The following TARM1 variants were observed in gnomAD, a reference collection of about 807,000 sequenced individuals.
TARM1 encodes the protein T cell-interacting, activating receptor on myeloid cells 1, also known as T-cell-interacting, activating receptor on myeloid cells protein 1.
A neutral mutation model predicts 30.4 loss-of-function variants in TARM1; 24 were observed. The ratio of observed to expected loss-of-function variants is 0.79; its 90% CI spans 0.57 to 1.11. The LOEUF is 1.11. Ranked by LOEUF, TARM1 falls within the 50% of genes least tolerant of loss-of-function variation. TARM1 has a pLI of 0.00. For synonymous variants in TARM1, 129 were observed against 138.9 expected (o/e 0.93, Z 0.50); for missense variants, 323 against 332.8 (o/e 0.97, Z 0.23).
intron 3 of TARM1, 76 bp downstream of exon 3, chr19:54,074,748 T>C: frequency 6.9e-7 from 1 of 1,459,616 alleles, no homozygotes; most frequent in Non-Finnish European, 9.2e-7. Context: ...GTGGGACCCC[T>C]TTTCTCCCTC....
At chr19:54,075,577 G>A (rs1208950234) in intron 2 of TARM1, among the ~76,000 whole-genome samples, 5 of 151,360 alleles carry the variant, frequency 3.3e-5, no homozygotes, top group East Asian at 2.0e-4. Flanking sequence ...GGCAGATCAC[G>A]AGGTCATGAG....
intron 4 of TARM1, among the ~76,000 whole-genome samples, chr19:54,073,491 T>C (rs1457503519): frequency 2.6e-5 from 4 of 151,242 alleles, no homozygotes; most frequent in African/African-American, 9.7e-5. Flanking sequence ...TTTTTGTTTT[T>C]GTTTTTTGTT....
intron 1 of TARM1, 64 bp from the exon 2 acceptor site, chr19:54,075,982 C>A (rs1374890629): frequency 1.9e-6 from 3 of 1,538,490 alleles, no homozygotes; most frequent in African/African-American, 1.4e-5. Context: ...CCTGCCCTGA[C>A]CCCTGGAGAT....
intron 1 of TARM1, chr19:54,076,285 C>A: frequency 7.4e-7 from 1 of 1,344,610 alleles, no homozygotes; most frequent in Non-Finnish European, 1.0e-6. Flanking sequence ...TTCATTCTTT[C>A]TTTCATTCAT....
At chr19:54,072,888 G>A (rs1440489859) in intron 4 of TARM1, among the ~76,000 whole-genome samples, 1 of 152,018 alleles carries the variant, frequency 6.6e-6, no homozygotes, top group African/African-American at 2.4e-5. Context: ...TGAGGCAGGA[G>A]AATTGCTTAA....
At chr19:54,075,860 G>GGT in intron 2 of TARM1, 23 bp downstream of exon 2, 1 of 1,550,542 alleles carries the variant, frequency 6.4e-7, no homozygotes. Flanking sequence ...GGCCAAGGAG[G>GGT]GTGTAGTTGA....
intron 4 of TARM1, among the ~76,000 whole-genome samples, chr19:54,073,483 T>G (rs1205245037): frequency 6.6e-6 from 1 of 151,580 alleles, no homozygotes; most frequent in African/African-American, 2.4e-5. Flanking sequence ...TTTTGTTGTT[T>G]TTGTTTTTGT....
intron 3 of TARM1, among the ~76,000 whole-genome samples, chr19:54,074,498 C>T (rs2071895264): frequency 6.6e-6 from 1 of 152,278 alleles, no homozygotes; most frequent in Admixed American, 6.5e-5. Context: ...GCCTGCCCAA[C>T]ATGGCGAAAC....
At chr19:54,078,599 G>A (rs587610552) in intron 1 of TARM1, among the ~76,000 whole-genome samples, 3 of 151,534 alleles carry the variant, frequency 2.0e-5, no homozygotes, top group Non-Finnish European at 4.4e-5. Context: ...GGCTGTTCTC[G>A]AACTCCTTAC....
chr19:54,074,046 C>T lies in TARM1; in HGVS notation c.532G>A (p.Glu178Lys), dbSNP rs374374370. Reference protein sequence around the residue: ...PIQLQSPAGKEIDFSLVDVTA... With the variant: ...PIQLQSPAGKKIDFSLVDVTA... ...ACGTCCACCAGAGAGAAGTCTATCT[C>T]CTTCCCCGCTGGACTCTGCAGCTGG... is the stretch of plus-strand genomic sequence containing the variant. The change falls in exon 4 of 5, where the codon GAG (glutamate) becomes AAG (lysine). Residue 178 changes from glutamate (E) to lysine (K), a missense_variant. Coordinates refer to ENST00000432826, the MANE Select transcript of TARM1 (RefSeq NM_001135686.3). The T allele has an allele frequency of 1.3e-6, 2 of 1,551,590 alleles. No individual in the cohort carries two copies. The highest frequency in any genetic ancestry group is 2.7e-5 in the African/African-American group (2 of 73,044).
intron 2 of TARM1, 112 bp downstream of exon 2, chr19:54,075,771 G>T: frequency 7.8e-7 from 1 of 1,274,996 alleles, no homozygotes; most frequent in Non-Finnish European, 1.1e-6. Context: ...CCAGCCTGGC[G>T]AAAGAGTGAG....
chr19:54,080,120 G>GAAAGAAAGAAAGA (rs2072069877), intron 1 of TARM1, among the ~76,000 whole-genome samples: 10 of 27,720 alleles, frequency 3.6e-4, no homozygotes, highest in African/African-American at 8.1e-4. Context: ...AGGAAGGAAG[G>GAAAGAAAGAAAGA]AAGGAAGGAA....
At chr19:54,072,592 C>G (rs1276798220) in intron 4 of TARM1, among the ~76,000 whole-genome samples, 1 of 152,094 alleles carries the variant, frequency 6.6e-6, no homozygotes, top group Non-Finnish European at 1.5e-5. Flanking sequence ...AATTCTCCAG[C>G]CTCAGCCTCC....
At chr19:54,071,116 C>A (rs1478951524) in intron 4 of TARM1, among the ~76,000 whole-genome samples, 1 of 152,070 alleles carries the variant, frequency 6.6e-6, no homozygotes, top group Admixed American at 6.6e-5. Flanking sequence ...TACCACCACA[C>A]CCGGCTAATT....
chr19:54,072,150 C>G (rs1010696358), intron 4 of TARM1, among the ~76,000 whole-genome samples: 2 of 152,120 alleles, frequency 1.3e-5, no homozygotes, highest in Non-Finnish European at 2.9e-5. Context: ...GATCGCGCCA[C>G]TGCACTCCAG....
intron 3 of TARM1, among the ~76,000 whole-genome samples, chr19:54,074,547 G>A (rs2071896397): frequency 6.6e-6 from 1 of 152,186 alleles, no homozygotes; most frequent in African/African-American, 2.4e-5. Context: ...GCCGGGCATG[G>A]TGGCAGGCAC....
chr19:54,074,356 T>G (rs1210846733), intron 3 of TARM1, 140 bp from the exon 4 acceptor site: 3 of 828,002 alleles, frequency 3.6e-6, no homozygotes, highest in Non-Finnish European at 5.6e-6. Context: ...CACTTCCTAC[T>G]CCGACCCCAG....
At chr19:54,079,729 T>A (rs1290619349) in intron 1 of TARM1, among the ~76,000 whole-genome samples, 1 of 152,156 alleles carries the variant, frequency 6.6e-6, no homozygotes, top group Non-Finnish European at 1.5e-5. Flanking sequence ...GGCTCACGCC[T>A]GTAATCCCAG....
intron 1 of TARM1, among the ~76,000 whole-genome samples, chr19:54,080,482 G>T (rs868797628): frequency 2.7e-5 from 3 of 109,784 alleles, no homozygotes; most frequent in African/African-American, 1.1e-4. Flanking sequence ...GAAAGAGAGA[G>T]AGAGGAAGGA....
Sources: gnomAD v4.1 joint callset for allele counts (sites outside exome capture counted in the v4.1 genomes callset) on GRCh38, gnomAD v4.1.1 for gene constraint, MANE v1.5 for transcripts, NCBI Gene and HGNC (gene_info 2026-07-23, HGNC 2026-07-21) for gene names.